The following SCG2 variants were observed in gnomAD, a reference collection of about 807,000 sequenced individuals.
SCG2 encodes secretogranin II.
In SCG2, 23 loss-of-function variants were observed where a neutral mutation model predicts 49.5. That is an observed-to-expected ratio of 0.46 (90% CI 0.33 to 0.66). The LOEUF is 0.66. Ranked by LOEUF, SCG2 falls within the 30% of genes least tolerant of loss-of-function variation. The probability of loss-of-function intolerance (pLI) is 0.01; values close to 1 mark genes in which losing one functional copy is unlikely to be tolerated. For missense variants in SCG2, 730 were observed against 728.2 expected (o/e 1.00, Z -0.03); for synonymous variants, 288 against 260.4 (o/e 1.11, Z -1.02).
At position 223,597,896 on chromosome 2, in the gene SCG2, G is replaced by C; in HGVS notation, c.1387C>G (p.Leu463Val). Reference protein sequence around the residue: ...FPNPYNQEKVLPRLPYGAGRS... With the variant: ...FPNPYNQEKVVPRLPYGAGRS... ...CCAGCACCATAAGGGAGCCTTGGCA[G>C]AACTTTCTCCTGGTTATATGGATTG... Residue 463 changes from leucine to valine, a missense_variant, in exon 2 of 2, where the codon CTG becomes GTG. By Grantham distance (32) the Leu-to-Val change is conservative. Coordinates refer to ENST00000305409, the MANE Select transcript of SCG2 (RefSeq NM_003469.5). The C allele has an allele frequency of 6.2e-7, 1 of 1,614,116 alleles. No individual in the cohort carries two copies. The highest frequency in any genetic ancestry group is 8.5e-7 in the Non-Finnish European group (1 of 1,180,020).
intron 1 of SCG2, among the ~76,000 whole-genome samples, chr2:223,601,465 A>T (rs1203940030): frequency 2.0e-5 from 3 of 152,266 alleles, no homozygotes; most frequent in African/African-American, 7.2e-5. Flanking sequence ...GGATACAGAA[A>T]AAATGAAATA....
rs951380015 is a variant in SCG2, at chr2:223,597,186, T to C, written c.*243A>G. The C allele has an allele frequency of 2.6e-6, 1 of 379,666 alleles. No individual in the cohort carries two copies. The highest frequency in any genetic ancestry group is 4.7e-6 in the Non-Finnish European group (1 of 213,426). The allele number at this position is 379,666 out of a possible 1,614,324, so 23.5% of individuals were successfully genotyped here. The stretch of plus-strand genomic sequence containing the variant: ...ATACTATTAAACACAGTCATAGATA[T>C]CTTTCTTGAATAATGGACATAATAA... On this transcript the variant is annotated 3_prime_UTR_variant, in exon 2 of 2. Transcript: ENST00000305409.
Position 223,597,489 on chromosome 2 carries a change from G to C in SCG2, c.1794C>G (p.Asn598Lys). 6.2e-7 allele frequency: 1 copy of C among 1,613,756 alleles called. No individual in the cohort carries two copies. Among genetic ancestry groups the C allele is most frequent in the Non-Finnish European group, 8.5e-7 (1 of 1,179,902 alleles). ...CCCTTCCCTTTTCTGCCTTTTCTTGGTTGAGGTATTCCAGCACTTTCATTA... is the reference window on the plus strand; with the variant it reads ...CCCTTCCCTTTTCTGCCTTTTCTTGCTTGAGGTATTCCAGCACTTTCATTA... Reference protein sequence around the residue: ...DLLMKVLEYLNQEKAEKGREH... With the variant: ...DLLMKVLEYLKQEKAEKGREH... The change falls in exon 2 of 2, where the codon AAC becomes AAG. Residue 598 changes from asparagine to lysine, a missense_variant. Transcript: ENST00000305409.
In SCG2 at chr2:223,599,075, G is replaced by T. The variant is rs769298378; in HGVS notation, c.208C>A (p.His70Asn). The T allele has an allele frequency of 1.2e-5, 20 of 1,614,014 alleles. No homozygotes were observed. In the East Asian group the frequency reaches 4.5e-4, roughly 36 times the overall value. Reference sequence around the variant, plus strand: ...TAATCTGGGCTGCTTTCTTCCTTATGAGCTTGTTGTCGGAGGTTTTCTATG... The same window carrying T: ...TAATCTGGGCTGCTTTCTTCCTTATTAGCTTGTTGTCGGAGGTTTTCTATG... The part of the protein sequence containing the change: ...EYIENLRQQA[H>N]KEESSPDYNP... The change falls in exon 2 of 2, where the codon CAT (histidine) becomes AAT (asparagine). Residue 70 changes from histidine (H) to asparagine (N), a missense_variant. By Grantham distance (68) the His-to-Asn change is moderately conservative. Transcript: ENST00000305409.
Position 223,598,627 on chromosome 2 carries a change from A to G in SCG2, c.656T>C (p.Met219Thr), listed in dbSNP as rs745929457. 16 of 1,613,834 alleles carry G rather than the reference A, an allele frequency of 9.9e-6. No homozygotes were observed. The highest frequency in any genetic ancestry group is 1.3e-5 in the Non-Finnish European group (15 of 1,180,026). Residue 219 changes from methionine to threonine, a missense_variant, in exon 2 of 2, where the codon ATG (methionine) becomes ACG (threonine). Met to Thr is a moderately conservative substitution (Grantham distance 81, BLOSUM62 -1). Transcript: ENST00000305409. ...TGPNNQKRER[M>T]DEEQKLYTDD... ...CGTATAAAGTTTTTGCTCCTCATCC[A>G]TCCTCTCACGTTTCTGGTTGTTTGG...
chr2:223,600,817 G>A (rs1691378223), intron 1 of SCG2, among the ~76,000 whole-genome samples: 1 of 151,932 alleles, frequency 6.6e-6, no homozygotes, highest in African/African-American at 2.4e-5. Context: ...CATTTGAGAG[G>A]ATACTTCCAA....
chr2:223,597,680 C>G lies in SCG2; in HGVS notation c.1603G>C (p.Asp535His). The G allele has an allele frequency of 1.2e-6, 2 of 1,614,176 alleles. No homozygotes were observed. The highest frequency in any genetic ancestry group is 1.7e-6 in the Non-Finnish European group (2 of 1,180,032). Reference sequence around the variant, plus strand: ...ATTTGTTCCTCTTCCTGCAGGTCATCTTCAGATGAGCCTTGACCAGGAACT... The same window carrying G: ...ATTTGTTCCTCTTCCTGCAGGTCATGTTCAGATGAGCCTTGACCAGGAACT... ...KRVPGQGSSE[D>H]DLQEEEQIEQ... is the part of the protein sequence containing the mutation. Residue 535 changes from aspartate to histidine, a missense_variant, in exon 2 of 2, where the codon GAT (aspartate) becomes CAT (histidine). Coordinates refer to ENST00000305409, the MANE Select transcript of SCG2 (RefSeq NM_003469.5).
In SCG2 at chr2:223,598,759, C is replaced by G; in HGVS notation, c.524G>C (p.Arg175Thr). Reference sequence around the variant, plus strand: ...ATTTGTGCGTTTAAAGGGGTTATCCCTGGAATTCTCTTCATACATAGGAGG... The same window carrying G: ...ATTTGTGCGTTTAAAGGGGTTATCCGTGGAATTCTCTTCATACATAGGAGG... Reference protein sequence around the residue: ...QFPPMYEENSRDNPFKRTNEI... With the variant: ...QFPPMYEENSTDNPFKRTNEI... The change falls in exon 2 of 2, where the codon AGG becomes ACG. Residue 175 changes from arginine (R) to threonine (T), a missense_variant. Transcript: ENST00000305409. 6.2e-7 allele frequency: 1 copy of G among 1,613,946 alleles called. No individual in the cohort carries two copies. Among genetic ancestry groups the G allele is most frequent in the Non-Finnish European group, 8.5e-7 (1 of 1,180,032 alleles).
At chr2:223,601,744 A>C (rs1282377821) in intron 1 of SCG2, among the ~76,000 whole-genome samples, 1 of 152,210 alleles carries the variant, frequency 6.6e-6, no homozygotes, top group Non-Finnish European at 1.5e-5. Flanking sequence ...CAAATATACA[A>C]GTTCAGAAAA....
Position 223,598,592 on chromosome 2 carries a change from CT to C in SCG2, c.690del (p.Asp231MetfsTer23), listed in dbSNP as rs1691340411. Reference sequence around the variant, plus strand: ...ATGTTATTAGCCTTGTAGATATCATCTTCATCATCCGTATAAAGTTTTTGCT... The same window carrying C: ...ATGTTATTAGCCTTGTAGATATCATCTCATCATCCGTATAAAGTTTTTGCT... ...DEEQKLYTDD[E>X]DDIYKANNIA... On this transcript the variant is annotated frameshift_variant, in exon 2 of 2. Coordinates refer to ENST00000305409, the MANE Select transcript of SCG2 (RefSeq NM_003469.5). LOFTEE classifies it high-confidence loss of function. 6.2e-7 allele frequency: 1 copy of C among 1,614,006 alleles called. No homozygotes were observed. Among genetic ancestry groups the C allele is most frequent in the Non-Finnish European group, 8.5e-7 (1 of 1,180,048 alleles).
intron 1 of SCG2, among the ~76,000 whole-genome samples, chr2:223,601,688 T>G (rs974136632): frequency 6.6e-6 from 1 of 152,206 alleles, no homozygotes; most frequent in African/African-American, 2.4e-5. Context: ...AAATCCTAAG[T>G]TAACATCTTA....
In SCG2 at chr2:223,601,629, C is replaced by T. The variant is rs1361298277; in HGVS notation, c.-15+656G>A. On this transcript the variant is annotated intron_variant, in intron 1 of 1. Transcript: ENST00000305409. ...ATTCATGGTCACAGCCAAATTACAA[C>T]CCAAGATAATATTTTGCCCTGGAAA... Among the ~76,000 whole-genome samples, 3 of 152,042 alleles carry T rather than the reference C, an allele frequency of 2.0e-5. No individual in the cohort carries two copies. The East Asian group carries it at 5.8e-4, about 29-fold the overall frequency.
chr2:223,599,358 G>A, intron 1 of SCG2, 62 bp from the exon 2 acceptor site: 1 of 1,350,510 alleles, frequency 7.4e-7, no homozygotes, highest in Non-Finnish European at 1.0e-6. Context: ...TATAGCAAAA[G>A]AAATAATTGA....
At position 223,599,272 on chromosome 2, in the gene SCG2, G is replaced by A. The variant is rs970707700; in HGVS notation, c.11C>T (p.Ala4Val). The A allele has an allele frequency of 1.9e-6, 3 of 1,567,614 alleles. No homozygotes were observed. Among genetic ancestry groups the A allele is most frequent in the Non-Finnish European group, 2.6e-6 (3 of 1,153,330 alleles). Residue 4 changes from alanine to valine, a missense_variant, in exon 2 of 2, where the codon GCA (alanine) becomes GTA (valine). Physicochemically the swap from Ala to Val is moderately conservative, Grantham distance 64. Coordinates refer to ENST00000305409, the MANE Select transcript of SCG2 (RefSeq NM_003469.5). MAE[A>V]KTHWLGAALS... ...GGCTGCTCCAAGCCAGTGGGTCTTT[G>A]CTTCAGCCATGTTTGAAAGATTTCC...
chr2:223,601,676 G>A (rs1403691415), intron 1 of SCG2, among the ~76,000 whole-genome samples: 1 of 152,134 alleles, frequency 6.6e-6, no homozygotes, highest in Non-Finnish European at 1.5e-5. Flanking sequence ...CAGTGTTCAG[G>A]AAAATCCTAA....
chr2:223,600,397 A>C lies in SCG2; in HGVS notation c.-14-1101T>G, dbSNP rs1221613832. Among the ~76,000 whole-genome samples, 3 of 152,166 alleles carry C rather than the reference A, an allele frequency of 2.0e-5. No homozygotes were observed. In the East Asian group the frequency reaches 5.8e-4, roughly 29 times the overall value. ...GAATTCTTCCTACTTAAAAATCTCC[A>C]TTCATTATTTCCTCCGATGCCTTAA... On this transcript the variant is annotated intron_variant, in intron 1 of 1. Transcript: ENST00000305409.
rs775313428 is a variant in SCG2, at chr2:223,598,361, A to G, written c.922T>C (p.Ser308Pro). The G allele has an allele frequency of 6.2e-7, 1 of 1,614,066 alleles. No individual in the cohort carries two copies. The change falls in exon 2 of 2, where the codon TCC becomes CCC. Residue 308 changes from serine to proline, a missense_variant. By Grantham distance (74) the Ser-to-Pro change is moderately conservative (BLOSUM62 -1). Coordinates refer to ENST00000305409, the MANE Select transcript of SCG2 (RefSeq NM_003469.5). ...ESKDQLSDDV[S>P]KVIAYLKRLV... ...CTTTTCAAATAGGCAATTACTTTGG[A>G]GACATCATCTGAGAGTTGGTCTTTA...
chr2:223,598,135 C>T lies in SCG2; in HGVS notation c.1148G>A (p.Arg383Gln), dbSNP rs139176325. ...EKPNGSVEPE[R>Q]ELDLPVDLDD... The stretch of plus-strand genomic sequence containing the variant: ...TAGGTCAACAGGAAGGTCAAGCTCC[C>T]GCTCCGGTTCCACTGATCCATTCGG... The change falls in exon 2 of 2, where the codon CGG becomes CAG. Residue 383 changes from arginine to glutamine, a missense_variant. Coordinates refer to ENST00000305409, the MANE Select transcript of SCG2 (RefSeq NM_003469.5). 1.6e-5 allele frequency: 26 copies of T among 1,611,866 alleles called. No individual in the cohort carries two copies. The highest frequency in any genetic ancestry group is 2.7e-5 in the African/African-American group (2 of 74,864).
intron 1 of SCG2, among the ~76,000 whole-genome samples, chr2:223,599,950 C>T (rs561615031): frequency 1.8e-4 from 28 of 152,212 alleles, no homozygotes; most frequent in African/African-American, 6.5e-4. Flanking sequence ...AATCTGATAC[C>T]GAATCCAATG....
Sources: allele counts gnomAD v4.1 joint callset (sites outside exome capture counted in the v4.1 genomes callset), GRCh38; gene constraint gnomAD v4.1.1; transcripts MANE v1.5; gene names NCBI Gene and HGNC (gene_info 2026-07-23, HGNC 2026-07-21).